NOL4: variants seen among roughly 807,000 people sequenced by gnomAD.
NOL4 encodes cancer/testis antigen 125.
Under a neutral mutation model 75.9 loss-of-function variants are expected in NOL4, and 17 were observed. The observed-to-expected ratio is 0.22, with a 90% CI of 0.15 to 0.34. The LOEUF (loss-of-function observed/expected upper bound fraction) is 0.34. Ranked by LOEUF, NOL4 falls within the 10% of genes least tolerant of loss-of-function variation. NOL4 has a pLI of 1.00. For missense variants in NOL4, 614 were observed against 793.5 expected (o/e 0.77, Z 2.72); for synonymous variants, 292 against 289.9 (o/e 1.01, Z -0.07).
chr18:33,995,320 G>T (rs1357338601), intron 6 of NOL4, among the ~76,000 whole-genome samples: 1 of 151,442 alleles, frequency 6.6e-6, no homozygotes, highest in Non-Finnish European at 1.5e-5. Context: ...GAAAACTAAA[G>T]ACTACTATTT....
intron 9 of NOL4, among the ~76,000 whole-genome samples, chr18:33,906,132 T>C (rs753438348): frequency 6.6e-5 from 10 of 152,128 alleles, no homozygotes; most frequent in Non-Finnish European, 1.2e-4. Context: ...CAAATAACAG[T>C]TCCTTATGAA....
intron 8 of NOL4, among the ~76,000 whole-genome samples, chr18:33,948,942 T>C (rs2069021141): frequency 6.6e-6 from 1 of 152,028 alleles, no homozygotes. Flanking sequence ...GAAGCTCTAA[T>C]ATTGTATAAA....
intron 10 of NOL4, among the ~76,000 whole-genome samples, chr18:33,871,584 T>C (rs2063702689): frequency 6.6e-6 from 1 of 152,000 alleles, no homozygotes; most frequent in South Asian, 2.1e-4. Context: ...CCAACCGTAA[T>C]GAGCCCATGT....
intron 1 of NOL4, among the ~76,000 whole-genome samples, chr18:34,217,498 G>T (rs2036984153): frequency 6.6e-6 from 1 of 151,868 alleles, no homozygotes; most frequent in Non-Finnish European, 1.5e-5. Context: ...TGTTGCCCAG[G>T]CTGGTCTCAA....
intron 6 of NOL4, among the ~76,000 whole-genome samples, chr18:34,018,573 C>T (rs1342218122): frequency 6.6e-6 from 1 of 151,984 alleles, no homozygotes; most frequent in East Asian, 1.9e-4. Context: ...TCCATAAAAA[C>T]CCTCATATGT....
intron 10 of NOL4, among the ~76,000 whole-genome samples, chr18:33,862,067 CAG>C (rs2063167912): frequency 6.6e-6 from 1 of 152,106 alleles, no homozygotes; most frequent in Admixed American, 6.5e-5. Flanking sequence ...GGTACCAAAA[CAG>C]AGATATAGAT....
chr18:33,979,943 T>C (rs913296558), intron 6 of NOL4, among the ~76,000 whole-genome samples: 1 of 152,084 alleles, frequency 6.6e-6, no homozygotes, highest in Admixed American at 6.6e-5. Context: ...ATTACAAGTA[T>C]TTAAATGCCA....
At chr18:33,932,913 T>C (rs1210011254) in intron 9 of NOL4, among the ~76,000 whole-genome samples, 1 of 152,058 alleles carries the variant, frequency 6.6e-6, no homozygotes, top group Non-Finnish European at 1.5e-5. Flanking sequence ...TGTGCTGTTA[T>C]TGACATTATT....
intron 1 of NOL4, chr18:34,157,116 C>T (rs377269453): frequency 2.0e-5 from 3 of 152,020 alleles, no homozygotes; most frequent in African/African-American, 4.8e-5. Context: ...CTTTTTTGGA[C>T]CATCCTGTGT....
At chr18:33,971,134 G>A (rs1181995607) in intron 6 of NOL4, among the ~76,000 whole-genome samples, 1 of 152,180 alleles carries the variant, frequency 6.6e-6, no homozygotes, top group Non-Finnish European at 1.5e-5. Context: ...AACTATGGCT[G>A]AAAACAGTTC....
intron 10 of NOL4, among the ~76,000 whole-genome samples, chr18:33,868,096 G>A (rs1156700916): frequency 6.6e-6 from 1 of 150,652 alleles, no homozygotes; most frequent in Non-Finnish European, 1.5e-5. Flanking sequence ...CAGGTGGAGT[G>A]ACATGATCAT....
At chr18:34,153,546 C>T (rs1205251190) in intron 1 of NOL4, among the ~76,000 whole-genome samples, 1 of 151,806 alleles carries the variant, frequency 6.6e-6, no homozygotes, top group African/African-American at 2.4e-5. Context: ...AATACATTCC[C>T]CATGGTCAGA....
chr18:34,134,376 A>T (rs1465588723), intron 1 of NOL4, among the ~76,000 whole-genome samples: 1 of 151,800 alleles, frequency 6.6e-6, no homozygotes, highest in African/African-American at 2.4e-5. Flanking sequence ...TTTCATAGTA[A>T]TAAAAAGTTC....
At chr18:34,222,966 A>T (rs895062487) in intron 1 of NOL4, 24 bp downstream of exon 1, 1 of 1,600,664 alleles carries the variant, frequency 6.2e-7, no homozygotes. Context: ...GCAGACAAAT[A>T]ACAGAGGAAG....
At chr18:34,093,908 G>A (rs1012871390) in intron 4 of NOL4, among the ~76,000 whole-genome samples, 4 of 152,026 alleles carry the variant, frequency 2.6e-5, no homozygotes, top group Non-Finnish European at 2.9e-5. Flanking sequence ...CAGGTGTGGC[G>A]GTGAGTGCCT....
intron 10 of NOL4, among the ~76,000 whole-genome samples, chr18:33,854,565 T>C (rs1314324993): frequency 6.6e-6 from 1 of 151,984 alleles, no homozygotes; most frequent in Admixed American, 6.6e-5. Context: ...ATTTGGAAAA[T>C]TCTGAGTGGA....
chr18:33,980,476 A>G (rs554822338), intron 6 of NOL4, among the ~76,000 whole-genome samples: 48 of 152,176 alleles, frequency 3.2e-4, no homozygotes, highest in African/African-American at 1.1e-3. Flanking sequence ...CTTTCCGGTT[A>G]TTAAGAGAAA....
At chr18:33,902,979 G>T (rs2065829875) in intron 9 of NOL4, among the ~76,000 whole-genome samples, 1 of 151,956 alleles carries the variant, frequency 6.6e-6, no homozygotes, top group Admixed American at 6.6e-5. Context: ...CAAATATTTT[G>T]AGCCCTTTAA....
intron 6 of NOL4, among the ~76,000 whole-genome samples, chr18:33,978,137 T>A (rs376514802): frequency 6.6e-6 from 1 of 152,206 alleles, no homozygotes; most frequent in East Asian, 1.9e-4. Flanking sequence ...TTGGCCGCTA[T>A]CTGCCAAACT....
Sources: gnomAD v4.1 joint callset for allele counts (sites outside exome capture counted in the v4.1 genomes callset) on GRCh38, gnomAD v4.1.1 for gene constraint, MANE v1.5 for transcripts, NCBI Gene and HGNC (gene_info 2026-07-23, HGNC 2026-07-21) for gene names.